USP48: variants seen among roughly 807,000 people sequenced by gnomAD.
The protein encoded by USP48 is ubiquitin carboxyl-terminal hydrolase 48.
Under a neutral mutation model 150.7 loss-of-function variants are expected in USP48, and 43 were observed. The ratio of observed to expected loss-of-function variants is 0.29; its 90% CI spans 0.22 to 0.37. The LOEUF (loss-of-function observed/expected upper bound fraction) is 0.37. Among genes scored for constraint, USP48 ranks in the 10% least tolerant of loss-of-function variants. The probability of loss-of-function intolerance (pLI) is 1.00; values close to 1 mark genes in which losing one functional copy is unlikely to be tolerated. For synonymous variants in USP48, 396 were observed against 425.9 expected, an observed-to-expected ratio of 0.93 and a Z score of 0.86; for missense variants, 813 against 1,249.6, an observed-to-expected ratio of 0.65 and a Z score of 5.27.
At chr1:21,756,073 G>C (rs146016524) in intron 3 of USP48, among the ~76,000 whole-genome samples, 12,068 of 152,006 alleles carry the variant, frequency 0.079, 654 homozygotes, top group East Asian at 0.27. Context: ...GCTGAGGCAG[G>C]AGAATTGCTT....
chr1:21,755,559 A>G (rs2152599283), intron 3 of USP48, among the ~76,000 whole-genome samples: 1 of 152,242 alleles, frequency 6.6e-6, no homozygotes, highest in East Asian at 1.9e-4. Flanking sequence ...CTCAAAAAAC[A>G]AACAAACAAT....
At chr1:21,717,855 G>GT (rs2097709047) in intron 14 of USP48, among the ~76,000 whole-genome samples, 3 of 152,156 alleles carry the variant, frequency 2.0e-5, no homozygotes, top group African/African-American at 7.2e-5. Flanking sequence ...TCCGGAGGCT[G>GT]AGCCCAGGAG....
At chr1:21,768,066 G>C (rs1022802255) in intron 1 of USP48, among the ~76,000 whole-genome samples, 1 of 152,122 alleles carries the variant, frequency 6.6e-6, no homozygotes, top group Non-Finnish European at 1.5e-5. Context: ...AAGTAGCCGG[G>C]CATGGTGGCG....
intron 15 of USP48, among the ~76,000 whole-genome samples, chr1:21,712,714 C>T (rs1027054712): frequency 1.7e-4 from 25 of 151,422 alleles, no homozygotes; most frequent in Admixed American, 1.6e-3. Flanking sequence ...CTGCAACCTC[C>T]GCCTCCTGGG....
rs557145064 is a variant in USP48, at chr1:21,782,982, C to T, written c.-25G>A. The T allele has an allele frequency of 6.6e-7, 1 of 1,504,170 alleles. No homozygotes were observed. Among genetic ancestry groups the T allele is most frequent in the Admixed American group, 2.2e-5 (1 of 44,454 alleles). 93.2% of individuals were successfully genotyped at this position (1,504,170 alleles called of 1,614,324 possible). A position where few individuals can be genotyped will look rare whatever the true frequency, so the allele number is the denominator to read the frequency against. On this transcript the variant is annotated 5_prime_UTR_variant, in exon 1 of 27. Transcript: ENST00000308271. ...TGGCCTTGGCCCCAGGAACGCCTCCCGAGCCAGACCGCCGCAGCCGCCGCC... is the reference window on the plus strand; with the variant it reads ...TGGCCTTGGCCCCAGGAACGCCTCCTGAGCCAGACCGCCGCAGCCGCCGCC...
intron 26 of USP48, 105 bp from the exon 27 acceptor site, chr1:21,679,544 A>G (rs2097559696): frequency 2.1e-6 from 3 of 1,405,956 alleles, no homozygotes. Context: ...ATCAAATTTA[A>G]TAAATGAACA....
At chr1:21,694,611 CCTCTA>C (rs1397091811) in intron 23 of USP48, among the ~76,000 whole-genome samples, 7 of 76,424 alleles carry the variant, frequency 9.2e-5, no homozygotes, top group East Asian at 1.4e-3. Flanking sequence ...AAAAAAACCC[CCTCTA>C]TCTATCAAAT....
intron 14 of USP48, among the ~76,000 whole-genome samples, chr1:21,719,267 G>A (rs2097713136): frequency 6.7e-6 from 1 of 150,058 alleles, no homozygotes; most frequent in Non-Finnish European, 1.5e-5. Context: ...GGGGGACAGA[G>A]TGATATTCCA....
chr1:21,724,469 A>C, intron 11 of USP48: 1 of 376,964 alleles, frequency 2.7e-6, no homozygotes, highest in Non-Finnish European at 4.8e-6. Flanking sequence ...AAATAACACA[A>C]CCTCATGCCC....
chr1:21,751,192 C>CA (rs1345319765), intron 6 of USP48, among the ~76,000 whole-genome samples: 1 of 152,144 alleles, frequency 6.6e-6, no homozygotes. Context: ...TTTCATTAGA[C>CA]AACAAGGTAA....
intron 1 of USP48, among the ~76,000 whole-genome samples, chr1:21,767,209 C>A (rs997732592): frequency 6.6e-6 from 1 of 152,194 alleles, no homozygotes; most frequent in South Asian, 2.1e-4. Flanking sequence ...GCCACCACAC[C>A]CGGCTTTTTT....
intron 23 of USP48, 77 bp from the exon 24 acceptor site, chr1:21,690,176 A>T: frequency 7.8e-7 from 1 of 1,281,418 alleles, no homozygotes; most frequent in Non-Finnish European, 1.0e-6. Context: ...TAAATTATGC[A>T]TGGATTCTTA....
chr1:21,766,109 C>G (rs771079231), intron 1 of USP48, among the ~76,000 whole-genome samples: 2 of 151,956 alleles, frequency 1.3e-5, no homozygotes, highest in Non-Finnish European at 2.9e-5. Context: ...GGCTCACACC[C>G]GTAGTCCCAG....
intron 8 of USP48, among the ~76,000 whole-genome samples, chr1:21,744,351 CAG>C (rs1445631742): frequency 6.6e-6 from 1 of 151,316 alleles, no homozygotes; most frequent in Non-Finnish European, 1.5e-5. Context: ...GAGACTGAGG[CAG>C]AGAGAATTGC....
intron 1 of USP48, among the ~76,000 whole-genome samples, chr1:21,772,227 T>C (rs552112624): frequency 1.0e-3 from 159 of 152,146 alleles, no homozygotes; most frequent in African/African-American, 3.6e-3. Flanking sequence ...AAAGCATTCA[T>C]AAATTTTACC....
chr1:21,716,900 C>T (rs914338344), intron 14 of USP48, among the ~76,000 whole-genome samples: 3 of 152,042 alleles, frequency 2.0e-5, no homozygotes, highest in East Asian at 3.9e-4. Context: ...TGGTGGCGGG[C>T]CCCTGTAGTC....
intron 10 of USP48, 29 bp from the exon 11 acceptor site, chr1:21,728,748 C>A: frequency 6.2e-7 from 1 of 1,610,708 alleles, no homozygotes; most frequent in Non-Finnish European, 8.5e-7. Context: ...CAAAAAACAA[C>A]TTTATTCTTG....
At chr1:21,693,823 C>A (rs2097612049) in intron 23 of USP48, among the ~76,000 whole-genome samples, 1 of 152,146 alleles carries the variant, frequency 6.6e-6, no homozygotes, top group African/African-American at 2.4e-5. Context: ...TGGGTTCAAC[C>A]AAGGGAAATA....
At chr1:21,770,819 T>C (rs1369298501) in intron 1 of USP48, among the ~76,000 whole-genome samples, 1 of 151,810 alleles carries the variant, frequency 6.6e-6, no homozygotes, top group Non-Finnish European at 1.5e-5. Flanking sequence ...TGCTTTTCTG[T>C]ATGTAAAAAA....
Sources: gnomAD v4.1 joint callset for allele counts (sites outside exome capture counted in the v4.1 genomes callset) on GRCh38, gnomAD v4.1.1 for gene constraint, MANE v1.5 for transcripts, NCBI Gene and HGNC (gene_info 2026-07-23, HGNC 2026-07-21) for gene names.